FGF13: variants seen among roughly 807,000 people sequenced by gnomAD.
The protein encoded by FGF13 is fibroblast growth factor 13.
A neutral mutation model predicts 19.5 loss-of-function variants in FGF13; 2 were observed. That is an observed-to-expected ratio of 0.10 (90% CI 0.04 to 0.32). The LOEUF (loss-of-function observed/expected upper bound fraction) is 0.32, where lower values mean the gene tolerates loss of function less well. FGF13 is among the 10% of genes least tolerant of loss of function. The pLI is 1.00. For synonymous variants in FGF13, 72 were observed against 76.9 expected, an observed-to-expected ratio of 0.94 and a Z score of 0.33; for missense variants, 113 against 192.7, an observed-to-expected ratio of 0.59 and a Z score of 2.45.
At chrX:138,712,897 A>G (rs3761591), upstream of FGF13, among the ~76,000 whole-genome samples, 18,257 of 111,551 alleles carry the variant, frequency 0.16, 1,117 homozygotes, top group South Asian at 0.24. Context: ...GCTCGGACTC[A>G]GCAACACTGA....
At position 138,623,068 on chromosome X, in the gene FGF13, A is replaced by G. The variant is rs1219683655; in HGVS notation, c.*9782T>C. The G allele has an allele frequency of 9.0e-6, 1 of 111,249 alleles. No individual in the cohort carries two copies. Among genetic ancestry groups the G allele is most frequent in the Non-Finnish European group, 1.9e-5 (1 of 52,922 alleles). 9.2% of individuals were successfully genotyped at this position (111,249 alleles called of 1,213,427 possible). A position where few individuals can be genotyped will look rare whatever the true frequency, so the allele number is the denominator to read the frequency against. On this transcript the variant is annotated 3_prime_UTR_variant, in exon 5 of 5. Transcript: ENST00000315930. ...GTGTTCTTTATTTTTTGGATAGTTC[A>G]TTGTTCGTGTGAAGAAACAACTGAT...
At chrX:139,066,803 G>T in intron 1 of FGF13, among the ~76,000 whole-genome samples, 1 of 109,707 alleles carries the variant, frequency 9.1e-6, no homozygotes, top group East Asian at 2.9e-4. Flanking sequence ...TGATACCAAA[G>T]CCTGGCAGAG....
intron 3 of FGF13, among the ~76,000 whole-genome samples, chrX:138,814,509 AAAAC>A (rs2090948706): frequency 9.0e-6 from 1 of 111,551 alleles, no homozygotes; most frequent in African/African-American, 3.3e-5. Flanking sequence ...CAATAGCAAG[AAAAC>A]AAATAACCAA....
At position 138,811,757 on chromosome X, in the gene FGF13, C is replaced by T. The variant is rs964392018; in HGVS notation, c.217+45755G>A. 7.3e-5 allele frequency among the ~76,000 whole-genome samples: 8 copies of T among 110,303 alleles called. No individual in the cohort carries two copies. In the Admixed American group the frequency reaches 7.8e-4, roughly 11 times the overall value. On this transcript the variant is annotated intron_variant, in intron 3 of 6. Coordinates refer to the FGF13 transcript ENST00000436198. ...CAGGACTCTAGATTTCCAGTCCCAC[C>T]TGTACCCTATCCTACTTTCCCTCCA... is the stretch of plus-strand genomic sequence containing the variant.
chrX:139,151,885 T>C (rs1488460830), intron 1 of FGF13, among the ~76,000 whole-genome samples: 2 of 112,144 alleles, frequency 1.8e-5, no homozygotes, highest in Non-Finnish European at 3.8e-5. Context: ...TACTTATCCT[T>C]GTTCTATATA....
At chrX:138,704,793 T>C (rs766940853) in intron 2 of FGF13, among the ~76,000 whole-genome samples, 1 of 112,371 alleles carries the variant, frequency 8.9e-6, no homozygotes, top group Non-Finnish European at 1.9e-5. Context: ...CCTTCTGTTA[T>C]GTGAGGTAAA....
intron 1 of FGF13, among the ~76,000 whole-genome samples, chrX:138,901,236 G>A (rs1351922748): frequency 8.9e-6 from 1 of 111,765 alleles, no homozygotes; most frequent in African/African-American, 3.3e-5. Flanking sequence ...GTTTTTTTAA[G>A]TTGGTTATTC....
chrX:139,015,315 A>G lies in FGF13; in HGVS notation c.-112-150665T>C, dbSNP rs150705443. Among the ~76,000 whole-genome samples the G allele has an allele frequency of 6.3e-4, 70 of 111,124 alleles. 1 individual carries two copies. In the South Asian group the frequency reaches 0.013, roughly 21 times the overall value. On this transcript the variant is annotated intron_variant, in intron 1 of 2. Coordinates refer to the FGF13 transcript ENST00000421460. ...ATGGTATAATCTTACATTTGGAAAA[A>G]CCTACTAAAGACTTCATGAAAAAAA...
chrX:138,936,780 C>T (rs976128346), intron 1 of FGF13, among the ~76,000 whole-genome samples: 4 of 112,189 alleles, frequency 3.6e-5, no homozygotes, highest in Non-Finnish European at 7.5e-5. Flanking sequence ...ATATTGTGGT[C>T]TCCAGGGAAA....
Position 138,615,543 on chromosome X carries a change from G to T in FGF13, c.*17307C>A, listed in dbSNP as rs2088960673. ...TTGGGAAACTGAAAGAAACCCCAGTGGACCCACTTGAGTGTACATCATGGC... is the reference window on the plus strand; with the variant it reads ...TTGGGAAACTGAAAGAAACCCCAGTTGACCCACTTGAGTGTACATCATGGC... On this transcript the variant is annotated 3_prime_UTR_variant, in exon 5 of 5. Transcript: ENST00000315930. The T allele has an allele frequency of 9.1e-6, 1 of 110,391 alleles. No homozygotes were observed. The highest frequency in any genetic ancestry group is 1.9e-5 in the Non-Finnish European group (1 of 52,867). 9.1% of individuals were successfully genotyped at this position (110,391 alleles called of 1,213,427 possible). A position where few individuals can be genotyped will look rare whatever the true frequency, so the allele number is the denominator to read the frequency against.
At chrX:138,935,355 C>T (rs773897045) in intron 1 of FGF13, among the ~76,000 whole-genome samples, 5 of 111,780 alleles carry the variant, frequency 4.5e-5, no homozygotes, top group Non-Finnish European at 9.4e-5. Flanking sequence ...TCCTGGAGAG[C>T]GGACTGTGAT....
chrX:138,658,256 C>T (rs2089456096), intron 3 of FGF13, among the ~76,000 whole-genome samples: 1 of 112,283 alleles, frequency 8.9e-6, no homozygotes, highest in Admixed American at 9.4e-5. Flanking sequence ...TCAAAACAGA[C>T]AAGTTTCCTT....
intron 3 of FGF13, among the ~76,000 whole-genome samples, chrX:138,676,753 A>G (rs1397330761): frequency 8.9e-6 from 1 of 112,136 alleles, no homozygotes; most frequent in Admixed American, 9.5e-5. Context: ...TGAGAATCTA[A>G]TGCTGCTGCT....
chrX:138,839,897 TA>T (rs1391370196), intron 3 of FGF13, among the ~76,000 whole-genome samples: 3 of 111,918 alleles, frequency 2.7e-5, no homozygotes, highest in Non-Finnish European at 3.8e-5. Context: ...CTGCCTTACC[TA>T]AAGTCTTTGA....
At chrX:138,823,006 T>C (rs185826372) in intron 3 of FGF13, among the ~76,000 whole-genome samples, 21 of 111,324 alleles carry the variant, frequency 1.9e-4, no homozygotes, top group African/African-American at 6.5e-4. Context: ...AAGTGTCACA[T>C]ATCAGAGAAC....
rs1019672862 is a variant in FGF13, at chrX:138,739,342, C to G, written c.-73G>C. 9.2e-5 allele frequency: 104 copies of G among 1,130,560 alleles called. 1 individual carries two copies. Among genetic ancestry groups the G allele is most frequent in the Admixed American group, 3.4e-4 (14 of 40,632 alleles). 93.2% of individuals were successfully genotyped at this position (1,130,560 alleles called of 1,213,427 possible). A position where few individuals can be genotyped will look rare whatever the true frequency, so the allele number is the denominator to read the frequency against. On this transcript the variant is annotated 5_prime_UTR_variant, in exon 1 of 5. Transcript: ENST00000305414. ...GAGCAGACACAGAGAGAGAGGAGAT[C>G]AGAGAAAGTTTAAGGCATATCTAAA...
rs10666140 is a variant in FGF13, at chrX:138,978,266, G to GT, written c.-112-113617dup. On this transcript the variant is annotated intron_variant, in intron 1 of 2. Transcript: ENST00000421460. ...TAATCTCTATGGGCTAGCTGCCCTG[G>GT]TTTTTTTTTTTTTTGAGATGGAGTC... Among the ~76,000 whole-genome samples, 52 of 82,883 alleles carry GT rather than the reference G, an allele frequency of 6.3e-4. 3 individuals are homozygous for GT. In the East Asian group the frequency reaches 8.3e-3, roughly 13 times the overall value. 72.0% of individuals were successfully genotyped at this position (82,883 alleles called of 115,157 possible).
At position 138,708,897 on chromosome X, in the gene FGF13, T is replaced by C. The variant is rs200031999; in HGVS notation, c.219A>G (p.Leu73=). 9 of 1,204,923 alleles carry C rather than the reference T, an allele frequency of 7.5e-6. No individual in the cohort carries two copies. In the East Asian group the frequency reaches 2.4e-4, roughly 32 times the overall value. Residue 73 remains leucine (L), a synonymous_variant, in exon 2 of 5, where the codon CTA becomes CTG. Coordinates refer to ENST00000315930, the MANE Select transcript of FGF13 (RefSeq NM_004114.5). ...EPQLKGIVTK[L]YSRQGYHLQL... ...GCAAGTGGTAGCCTTGTCGGCTGTATAGCTTGGTAACTATACCCTTAAGCT... is the reference window on the plus strand; with the variant it reads ...GCAAGTGGTAGCCTTGTCGGCTGTACAGCTTGGTAACTATACCCTTAAGCT...
At chrX:138,947,588 GA>G (rs1166761491) in intron 1 of FGF13, among the ~76,000 whole-genome samples, 1 of 111,905 alleles carries the variant, frequency 8.9e-6, no homozygotes, top group Non-Finnish European at 1.9e-5. Context: ...CTGTCATGAG[GA>G]AGACCTGTGA....
Sources: allele counts gnomAD v4.1 joint callset (sites outside exome capture counted in the v4.1 genomes callset), GRCh38; gene constraint gnomAD v4.1.1; transcripts MANE v1.5; gene names NCBI Gene and HGNC (gene_info 2026-07-23, HGNC 2026-07-21).